The following EFNA2 variants were observed in gnomAD, a reference collection of about 807,000 sequenced individuals.
The protein encoded by EFNA2 is ephrin A2, also known as ephrin-A2.
EFNA2 carries 18 observed loss-of-function variants against 19.7 expected under a neutral mutation model. The ratio of observed to expected loss-of-function variants is 0.91; its 90% CI spans 0.63 to 1.35. The LOEUF (loss-of-function observed/expected upper bound fraction) is 1.35, where lower values mean the gene tolerates loss of function less well. EFNA2 is among the 40% of genes most tolerant of loss of function. The pLI is 0.00. For missense variants in EFNA2, 303 were observed against 296.0 expected (o/e 1.02, Z -0.17); for synonymous variants, 187 against 137.8 (o/e 1.36, Z -2.50).
Position 1,294,602 on chromosome 19 carries a change from T to G in EFNA2, c.141-943T>G, listed in dbSNP as rs1600058860. Among the ~76,000 whole-genome samples the G allele has an allele frequency of 8.1e-6, 1 of 123,414 alleles. No homozygotes were observed. The allele number at this position is 123,414 out of a possible 152,430, so 81.0% of individuals were successfully genotyped here. On this transcript the variant is annotated intron_variant, in intron 1 of 3. Coordinates refer to ENST00000215368, the MANE Select transcript of EFNA2 (RefSeq NM_001405.4). The surrounding 1 kb of genome is among the most constrained non-coding windows in gnomAD (Gnocchi z 5.8). ...GCAGGGTCACACAGGAAGGCAGGGGTGGGGCTGGGAGTGGAGCCCAGGATG... is the reference window on the plus strand; with the variant it reads ...GCAGGGTCACACAGGAAGGCAGGGGGGGGGCTGGGAGTGGAGCCCAGGATG...
At chr19:1,290,086 A>C (rs936411184) in intron 1 of EFNA2, among the ~76,000 whole-genome samples, 3 of 150,986 alleles carry the variant, frequency 2.0e-5, no homozygotes, top group African/African-American at 7.3e-5. Context: ...GCAGCCTGGA[A>C]CCCCCAGGCC....
chr19:1,289,261 G>GCA (rs1421323226), intron 1 of EFNA2, among the ~76,000 whole-genome samples: 31 of 152,388 alleles, frequency 2.0e-4, no homozygotes, highest in African/African-American at 7.5e-4. Context: ...GCGTGCCCTT[G>GCA]CACGGGATGT....
rs1419288814 is a variant in EFNA2, at chr19:1,286,396, G to A, written c.140+88G>A. The A allele has an allele frequency of 3.5e-6, 2 of 575,346 alleles. No individual in the cohort carries two copies. Among genetic ancestry groups the A allele is most frequent in the Non-Finnish European group, 4.4e-6 (2 of 459,022 alleles). The allele number at this position is 575,346 out of a possible 1,614,324, so 35.6% of individuals were successfully genotyped here. Reference sequence around the variant, plus strand: ...GCCTCGCGCCCCCGGAGCTCCGGGCGCCCCCCACGCGCGCGCCGCCGCCGG... The same window carrying A: ...GCCTCGCGCCCCCGGAGCTCCGGGCACCCCCCACGCGCGCGCCGCCGCCGG... On this transcript the variant is annotated intron_variant, in intron 1 of 3. Coordinates refer to ENST00000215368, the MANE Select transcript of EFNA2 (RefSeq NM_001405.4). This position sits in a 1 kb window ranked among gnomAD's most constrained non-coding sequence, Gnocchi z 5.6.
Position 1,300,241 on chromosome 19 carries a change from A to ATTTTTTTTTTTTTTTTTTTTTTTTTTTT in EFNA2, c.*304_*331dup, listed in dbSNP as rs58281257. On this transcript the variant is annotated 3_prime_UTR_variant, in exon 4 of 4. Coordinates refer to ENST00000215368, the MANE Select transcript of EFNA2 (RefSeq NM_001405.4). ...CGGAGAACCCGGGAACCTCTTGGCG[A>ATTTTTTTTTTTTTTTTTTTTTTTTTTTT]TTTTTTTTTTTTTTTTTTTTTTTTT... The ATTTTTTTTTTTTTTTTTTTTTTTTTTTT allele has an allele frequency of 2.3e-5, 1 of 42,650 alleles. No individual in the cohort carries two copies. Among genetic ancestry groups the ATTTTTTTTTTTTTTTTTTTTTTTTTTTT allele is most frequent in the Non-Finnish European group, 4.5e-5 (1 of 22,124 alleles). The allele number at this position is 42,650 out of a possible 1,614,324, so 2.6% of individuals were successfully genotyped here. A position where few individuals can be genotyped will look rare whatever the true frequency, so the allele number is the denominator to read the frequency against.
At position 1,295,456 on chromosome 19, in the gene EFNA2, G is replaced by C. The variant is rs2081509468; in HGVS notation, c.141-89G>C. 7.6e-7 allele frequency: 1 copy of C among 1,316,572 alleles called. No individual in the cohort carries two copies. The highest frequency in any genetic ancestry group is 9.9e-7 in the Non-Finnish European group (1 of 1,005,942). 81.6% of individuals were successfully genotyped at this position (1,316,572 alleles called of 1,614,324 possible). On this transcript the variant is annotated intron_variant, in intron 1 of 3. Transcript: ENST00000215368. This position sits in a 1 kb window ranked among gnomAD's most constrained non-coding sequence, Gnocchi z 5.8. Reference sequence around the variant, plus strand: ...ACCCCGACCCGTCCCTCGTGCTCCTGTCCCCTGACCCTGGCCCTCCCCGCG... The same window carrying C: ...ACCCCGACCCGTCCCTCGTGCTCCTCTCCCCTGACCCTGGCCCTCCCCGCG...
chr19:1,286,174 G>T lies in EFNA2; in HGVS notation c.6G>T (p.Ala2=), dbSNP rs1487378927. 4 of 1,003,492 alleles carry T rather than the reference G, an allele frequency of 4.0e-6. No individual in the cohort carries two copies. Among genetic ancestry groups the T allele is most frequent in the East Asian group, 2.0e-4 (2 of 10,026 alleles). The allele number at this position is 1,003,492 out of a possible 1,614,324, so 62.2% of individuals were successfully genotyped here. Reference sequence around the variant, plus strand: ...GCGGCGGCCGGACCGGGGCCATGGCGCCCGCGCAGCGCCCGCTGCTCCCGC... The same window carrying T: ...GCGGCGGCCGGACCGGGGCCATGGCTCCCGCGCAGCGCCCGCTGCTCCCGC... M[A]PAQRPLLPLL... The change falls in exon 1 of 4, where the codon GCG becomes GCT. Residue 2 remains alanine (A), a synonymous_variant. Coordinates refer to ENST00000215368, the MANE Select transcript of EFNA2 (RefSeq NM_001405.4). This position sits in a 1 kb window ranked among gnomAD's most constrained non-coding sequence, Gnocchi z 5.6.
rs1218862725 is a variant in EFNA2, at chr19:1,300,721, A to C, written c.*776A>C. On this transcript the variant is annotated 3_prime_UTR_variant, in exon 4 of 4. Coordinates refer to ENST00000215368, the MANE Select transcript of EFNA2 (RefSeq NM_001405.4). ...CGTCCTCCTGGTCATTTCCTCCCAG[A>C]CACTGTTTTGCCCCAGCGCCCTTCG... 1.3e-5 allele frequency among the ~76,000 whole-genome samples: 2 copies of C among 151,978 alleles called. No homozygotes were observed. Among genetic ancestry groups the C allele is most frequent in the Non-Finnish European group, 2.9e-5 (2 of 67,982 alleles).
At chr19:1,292,166 G>T (rs2081494646) in intron 1 of EFNA2, among the ~76,000 whole-genome samples, 1 of 152,186 alleles carries the variant, frequency 6.6e-6, no homozygotes, top group African/African-American at 2.4e-5. Context: ...CCTCCCCCCT[G>T]CAGGCGCCAC....
chr19:1,297,184 G>C lies in EFNA2; in HGVS notation c.454+1326G>C, dbSNP rs1326796742. ...TGAGGGATGGGGAGTCAGGGATCTG[G>C]GGTCTGTGCCCCCAGGCTGCAGGGG... On this transcript the variant is annotated intron_variant, in intron 2 of 3. Transcript: ENST00000215368. This position sits in a 1 kb window ranked among gnomAD's most constrained non-coding sequence, Gnocchi z 5.0. Among the ~76,000 whole-genome samples the C allele has an allele frequency of 1.3e-5, 2 of 152,138 alleles. No individual in the cohort carries two copies. The highest frequency in any genetic ancestry group is 2.9e-5 in the Non-Finnish European group (2 of 68,018).
chr19:1,292,156 C>T (rs2081494534), intron 1 of EFNA2, among the ~76,000 whole-genome samples: 1 of 152,236 alleles, frequency 6.6e-6, no homozygotes, highest in African/African-American at 2.4e-5. Flanking sequence ...GTGGGGGCCC[C>T]CTCCCCCCTG....
intron 1 of EFNA2, among the ~76,000 whole-genome samples, chr19:1,289,785 C>A (rs1275308607): frequency 6.6e-6 from 1 of 152,194 alleles, no homozygotes; most frequent in African/African-American, 2.4e-5. Context: ...GGAGCCGTCC[C>A]CCAGCAGAGG....
chr19:1,290,813 C>T (rs1049938635), intron 1 of EFNA2, among the ~76,000 whole-genome samples: 2 of 152,176 alleles, frequency 1.3e-5, no homozygotes, highest in East Asian at 1.9e-4. Flanking sequence ...CCCAGACACG[C>T]GGCTGGAGCC....
chr19:1,290,977 C>A (rs924763368), intron 1 of EFNA2, among the ~76,000 whole-genome samples: 1 of 152,192 alleles, frequency 6.6e-6, no homozygotes, highest in African/African-American at 2.4e-5. Flanking sequence ...AGCGGCGTGT[C>A]CCCCCAGCTC....
chr19:1,295,930 CGGGA>C lies in EFNA2; in HGVS notation c.454+73_454+76del. ...CGCGGGGGCGGGGCCAGGAAGTGGG[CGGGA>C]CCACTGGGGTGGGGCCGGGGAGTGG... On this transcript the variant is annotated intron_variant, in intron 2 of 3. Transcript: ENST00000215368. The surrounding 1 kb of genome is among the most constrained non-coding windows in gnomAD (Gnocchi z 5.8). 2 of 321,964 alleles carry C rather than the reference CGGGA, an allele frequency of 6.2e-6. No homozygotes were observed. Among genetic ancestry groups the C allele is most frequent in the Non-Finnish European group, 1.1e-5 (2 of 183,416 alleles). 19.9% of individuals were successfully genotyped at this position (321,964 alleles called of 1,614,324 possible). A position where few individuals can be genotyped will look rare whatever the true frequency, so the allele number is the denominator to read the frequency against.
chr19:1,300,188 C>T lies in EFNA2; in HGVS notation c.*243C>T. 1 of 370,466 alleles carries T rather than the reference C, an allele frequency of 2.7e-6. No homozygotes were observed. The highest frequency in any genetic ancestry group is 4.8e-6 in the Non-Finnish European group (1 of 210,436). The allele number at this position is 370,466 out of a possible 1,614,324, so 22.9% of individuals were successfully genotyped here. A position where few individuals can be genotyped will look rare whatever the true frequency, so the allele number is the denominator to read the frequency against. On this transcript the variant is annotated 3_prime_UTR_variant, in exon 4 of 4. Coordinates refer to ENST00000215368, the MANE Select transcript of EFNA2 (RefSeq NM_001405.4). ...GAGGGGCCGGGGTGTGGATGCGGAC[C>T]GTGGCCAGGCCATCTCCTCTGGGGC...
rs2081506782 is a variant in EFNA2 at position 1,294,874 on chromosome 19, GC to G, written c.141-670del. The stretch of plus-strand genomic sequence containing the variant: ...GTGCAGAATGAAAGCAGGGCTGGGG[GC>G]TGCCTGGAGGAGGCGGCACAGATGT... On this transcript the variant is annotated intron_variant, in intron 1 of 3. Transcript: ENST00000215368. This position sits in a 1 kb window ranked among gnomAD's most constrained non-coding sequence, Gnocchi z 5.8. Among the ~76,000 whole-genome samples the G allele has an allele frequency of 6.6e-6, 1 of 152,148 alleles. No homozygotes were observed. Among genetic ancestry groups the G allele is most frequent in the South Asian group, 2.1e-4 (1 of 4,834 alleles).
At chr19:1,292,391 C>A (rs541139412) in intron 1 of EFNA2, among the ~76,000 whole-genome samples, 29 of 152,374 alleles carry the variant, frequency 1.9e-4, no homozygotes, top group African/African-American at 7.0e-4. Flanking sequence ...GCAAAGTCCT[C>A]GCCTCTTGAC....
chr19:1,300,128 A>T lies in EFNA2; in HGVS notation c.*183A>T. ...CCCGCCCCAGGACCAGCCCTCAGGG[A>T]GGGGAAACGGCCGAGAGCCCCCCCC... On this transcript the variant is annotated 3_prime_UTR_variant, in exon 4 of 4. Coordinates refer to ENST00000215368, the MANE Select transcript of EFNA2 (RefSeq NM_001405.4). 2.8e-5 allele frequency: 22 copies of T among 775,486 alleles called. No individual in the cohort carries two copies. Among genetic ancestry groups the T allele is most frequent in the East Asian group, 1.6e-4 (4 of 25,062 alleles). The allele number at this position is 775,486 out of a possible 1,614,324, so 48.0% of individuals were successfully genotyped here. A position where few individuals can be genotyped will look rare whatever the true frequency, so the allele number is the denominator to read the frequency against.
intron 1 of EFNA2, among the ~76,000 whole-genome samples, chr19:1,289,361 G>C (rs556977374): frequency 6.6e-6 from 1 of 152,240 alleles, no homozygotes; most frequent in Non-Finnish European, 1.5e-5. Flanking sequence ...GCGTGTCTGC[G>C]TGTGGGGTGC....
Sources: allele counts gnomAD v4.1 joint callset (sites outside exome capture counted in the v4.1 genomes callset), GRCh38; gene constraint gnomAD v4.1.1; non-coding constraint Gnocchi (gnomAD v3.1); transcripts MANE v1.5; gene names NCBI Gene and HGNC (gene_info 2026-07-23, HGNC 2026-07-21).